The following GRM7 variants were observed in gnomAD, a reference collection of about 807,000 sequenced individuals.
The protein encoded by GRM7 is metabotropic glutamate receptor 7.
A neutral mutation model predicts 84.5 loss-of-function variants in GRM7; 35 were observed. The observed-to-expected ratio is 0.41, with a 90% confidence interval of 0.32 to 0.55. The LOEUF is 0.55. GRM7 is among the 20% of genes least tolerant of loss of function. GRM7 has a pLI of 0.19. For missense variants in GRM7, 1,003 were observed against 1,194.6 expected (o/e 0.84, Z 2.36); for synonymous variants, 487 against 455.1 (o/e 1.07, Z -0.89).
intron 1 of GRM7, among the ~76,000 whole-genome samples, chr3:7,142,040 A>G (rs1028706188): frequency 2.6e-5 from 4 of 152,124 alleles, no homozygotes; most frequent in African/African-American, 9.7e-5. Context: ...AAAGGCTTGC[A>G]TTAGCTCTGA....
rs961849107 is a variant in GRM7, at chr3:7,147,358, T to C, written c.736+690T>C. On this transcript the variant is annotated intron_variant, in intron 2 of 9. Coordinates refer to ENST00000357716, the MANE Select transcript of GRM7 (RefSeq NM_000844.4). ...CACTTAGAAATTCTGACAATAAGTATTCAGGTTTCCCCATATGGATGTATT... is the reference window on the plus strand; with the variant it reads ...CACTTAGAAATTCTGACAATAAGTACTCAGGTTTCCCCATATGGATGTATT... Among the ~76,000 whole-genome samples the C allele has an allele frequency of 2.2e-4, 34 of 152,306 alleles. 3 individuals carry two copies. Among genetic ancestry groups the C allele is most frequent in the Admixed American group, 1.3e-3 (20 of 15,298 alleles).
At chr3:7,347,635 G>C (rs1692949761) in intron 4 of GRM7, among the ~76,000 whole-genome samples, 1 of 152,030 alleles carries the variant, frequency 6.6e-6, no homozygotes, top group African/African-American at 2.4e-5. Context: ...ACTCAATTTT[G>C]TTCTAAGGCT....
At chr3:7,282,934 G>T (rs1350802696) in intron 2 of GRM7, among the ~76,000 whole-genome samples, 1 of 152,138 alleles carries the variant, frequency 6.6e-6, no homozygotes, top group African/African-American at 2.4e-5. Context: ...ACCAACAGTG[G>T]AGCCCTCGGC....
chr3:7,126,390 C>A (rs567868351), intron 1 of GRM7, among the ~76,000 whole-genome samples: 6 of 152,138 alleles, frequency 3.9e-5, no homozygotes, highest in South Asian at 2.1e-4. Flanking sequence ...CATTGAAAAT[C>A]CCCCCTAATG....
intron 7 of GRM7, among the ~76,000 whole-genome samples, chr3:7,467,583 G>A (rs577721721): frequency 2.0e-5 from 3 of 152,128 alleles, no homozygotes; most frequent in Admixed American, 2.0e-4. Context: ...GGAGGCGGTT[G>A]CTTCCTAGGG....
intron 2 of GRM7, among the ~76,000 whole-genome samples, chr3:7,250,622 C>T (rs971454609): frequency 9.6e-5 from 14 of 145,540 alleles, no homozygotes; most frequent in Non-Finnish European, 2.0e-4. Context: ...CTCCTGGGTT[C>T]GAGCAATTTT....
At chr3:7,719,232 C>T (rs544398130) in intron 9 of GRM7, among the ~76,000 whole-genome samples, 1 of 152,250 alleles carries the variant, frequency 6.6e-6, no homozygotes, top group East Asian at 1.9e-4. Context: ...ATGTTGCTGC[C>T]ACCAAAAACT....
chr3:7,067,735 G>A (rs1697719194), intron 1 of GRM7, among the ~76,000 whole-genome samples: 1 of 151,890 alleles, frequency 6.6e-6, no homozygotes, highest in South Asian at 2.1e-4. Context: ...AGTCGTAAGG[G>A]TCATCCTGAC....
At chr3:7,703,661 C>T (rs1209330815) in intron 9 of GRM7, among the ~76,000 whole-genome samples, 1 of 152,148 alleles carries the variant, frequency 6.6e-6, no homozygotes, top group Admixed American at 6.5e-5. Context: ...CAGTCTTTCC[C>T]ATTTGCTTAC....
intron 9 of GRM7, among the ~76,000 whole-genome samples, chr3:7,698,424 A>G (rs551118791): frequency 6.6e-6 from 1 of 152,328 alleles, no homozygotes; most frequent in South Asian, 2.1e-4. Flanking sequence ...CCTTTTACAG[A>G]TAAGCAAACT....
chr3:7,558,442 C>T (rs1394728259), intron 7 of GRM7, among the ~76,000 whole-genome samples: 5 of 151,972 alleles, frequency 3.3e-5, no homozygotes, highest in Admixed American at 6.6e-5. Context: ...AAAGAAAAGA[C>T]GGGCCTGTAG....
At position 6,934,453 on chromosome 3, in the gene GRM7, CAACT is replaced by C. The variant is rs536378239; in HGVS notation, c.519+72548_519+72551del. On this transcript the variant is annotated intron_variant, in intron 1 of 9. Transcript: ENST00000357716. ...AAAGAATAATATTAGAAAACAAAAC[CAACT>C]AGAGAGTATATCATTACAATTCGGA... Among the ~76,000 whole-genome samples the C allele has an allele frequency of 1.4e-4, 22 of 152,206 alleles. No individual in the cohort carries two copies. In the East Asian group the frequency reaches 1.5e-3, roughly 11 times the overall value.
At chr3:7,642,120 C>G (rs1025693673) in intron 8 of GRM7, among the ~76,000 whole-genome samples, 8 of 152,118 alleles carry the variant, frequency 5.3e-5, no homozygotes, top group African/African-American at 7.2e-5. Flanking sequence ...CAAGGGCTTG[C>G]TTTTCTGACT....
At chr3:6,984,619 A>C (rs1694334026) in intron 1 of GRM7, among the ~76,000 whole-genome samples, 1 of 152,112 alleles carries the variant, frequency 6.6e-6, no homozygotes, top group Non-Finnish European at 1.5e-5. Flanking sequence ...TTATCTGAAC[A>C]TGACTGGCAT....
intron 9 of GRM7, among the ~76,000 whole-genome samples, chr3:7,720,217 C>T (rs1017798884): frequency 1.3e-5 from 2 of 152,142 alleles, no homozygotes; most frequent in African/African-American, 4.8e-5. Context: ...AGCAGCCTCA[C>T]CTTAACTATG....
intron 8 of GRM7, among the ~76,000 whole-genome samples, chr3:7,668,241 C>G (rs1173071240): frequency 1.3e-5 from 2 of 152,168 alleles, no homozygotes; most frequent in African/African-American, 4.8e-5. Flanking sequence ...CCACCGAGTA[C>G]CTTTTGCCTT....
At position 7,595,570 on chromosome 3, in the gene GRM7, T is replaced by C. The variant is rs181897819; in HGVS notation, c.2451+16213T>C. Among the ~76,000 whole-genome samples the C allele has an allele frequency of 4.2e-4, 64 of 152,274 alleles. No individual in the cohort carries two copies. In the East Asian group the frequency reaches 0.011, roughly 27 times the overall value. ...ATTAATCAAATATGAGTATGTAATA[T>C]ATCAGTTGCTTAAATGCTGTGATAT... is the stretch of plus-strand genomic sequence containing the variant. On this transcript the variant is annotated intron_variant, in intron 8 of 9. Coordinates refer to ENST00000357716, the MANE Select transcript of GRM7 (RefSeq NM_000844.4).
intron 8 of GRM7, among the ~76,000 whole-genome samples, chr3:7,666,242 GCAAAACAA>G (rs1699694856): frequency 6.6e-6 from 1 of 152,178 alleles, no homozygotes; most frequent in African/African-American, 2.4e-5. Context: ...GAGAACTGAA[GCAAAACAA>G]ACAAACAGAA....
intron 6 of GRM7, among the ~76,000 whole-genome samples, 174 bp from the exon 7 acceptor site, chr3:7,461,409 C>T (rs1698239915): frequency 6.6e-6 from 1 of 152,008 alleles, no homozygotes; most frequent in African/African-American, 2.4e-5. Context: ...AATTCATAGG[C>T]CATAGTGATA....
Sources: allele counts gnomAD v4.1 joint callset (sites outside exome capture counted in the v4.1 genomes callset), GRCh38; gene constraint gnomAD v4.1.1; transcripts MANE v1.5; gene names NCBI Gene and HGNC (gene_info 2026-07-23, HGNC 2026-07-21).